SDK1: variants seen among roughly 807,000 people sequenced by gnomAD.
SDK1 encodes the protein protein sidekick-1.
A neutral mutation model predicts 245.5 loss-of-function variants in SDK1; 157 were observed. The ratio of observed to expected loss-of-function variants is 0.64; its 90% CI spans 0.56 to 0.73. The LOEUF (loss-of-function observed/expected upper bound fraction) is 0.73, where lower values mean the gene tolerates loss of function less well. Ranked by LOEUF, SDK1 falls within the 30% of genes least tolerant of loss-of-function variation. The pLI is 0.00. For missense variants in SDK1, 3,583 were observed against 3,002.3 expected (o/e 1.19, Z -4.52); for synonymous variants, 1,647 against 1,278.5 (o/e 1.29, Z -6.15).
At chr7:3,337,621 C>T (rs1042057342) in intron 1 of SDK1, among the ~76,000 whole-genome samples, 1 of 152,174 alleles carries the variant, frequency 6.6e-6, no homozygotes, top group Non-Finnish European at 1.5e-5. Flanking sequence ...AAGGCAGATA[C>T]AGGAAAGCTA....
chr7:3,534,886 G>A (rs1054455771), intron 1 of SDK1, among the ~76,000 whole-genome samples: 6 of 152,136 alleles, frequency 3.9e-5, no homozygotes, highest in South Asian at 2.1e-4. Flanking sequence ...TATCAGCCAC[G>A]TGTACATGTA....
At chr7:3,716,336 A>G (rs996776648) in intron 4 of SDK1, among the ~76,000 whole-genome samples, 5 of 152,316 alleles carry the variant, frequency 3.3e-5, no homozygotes, top group Middle Eastern at 3.4e-3. Flanking sequence ...TAAGAAATCA[A>G]TTTGAAGACA....
rs73298937 is a variant in SDK1 at position 4,014,041 on chromosome 7, C to G, written c.2420+1806C>G. 8.3e-3 allele frequency among the ~76,000 whole-genome samples: 1,262 copies of G among 152,364 alleles called. 18 individuals carry two copies. The highest frequency in any genetic ancestry group is 0.029 in the African/African-American group (1,198 of 41,586). On this transcript the variant is annotated intron_variant, in intron 16 of 44. Transcript: ENST00000404826. Reference sequence around the variant, plus strand: ...CTCTTGCCCCTGCCTTAGCCATTACCTCTCATTCTGCACCCATCCACTAAT... The same window carrying G: ...CTCTTGCCCCTGCCTTAGCCATTACGTCTCATTCTGCACCCATCCACTAAT...
chr7:3,327,620 T>C (rs926074662), intron 1 of SDK1, among the ~76,000 whole-genome samples: 1 of 152,040 alleles, frequency 6.6e-6, no homozygotes, highest in Non-Finnish European at 1.5e-5. Context: ...AGCTGTCCAG[T>C]ATAGGCCCAG....
At chr7:3,667,008 T>TA (rs1395923555) in intron 4 of SDK1, among the ~76,000 whole-genome samples, 1 of 152,156 alleles carries the variant, frequency 6.6e-6, no homozygotes, top group African/African-American at 2.4e-5. Context: ...GGGGTGTTCT[T>TA]ACGGTTTGGG....
At chr7:3,789,392 C>G (rs935757051) in intron 4 of SDK1, among the ~76,000 whole-genome samples, 5 of 152,228 alleles carry the variant, frequency 3.3e-5, no homozygotes, top group African/African-American at 7.2e-5. Flanking sequence ...AGGTGATCCA[C>G]TCGCCTCAGC....
At chr7:3,394,396 A>G (rs868041368) in intron 1 of SDK1, among the ~76,000 whole-genome samples, 12 of 152,262 alleles carry the variant, frequency 7.9e-5, no homozygotes, top group South Asian at 4.1e-4. Flanking sequence ...CCATTGATCA[A>G]TGATTTTTAT....
chr7:3,624,373 A>G (rs367594649), intron 2 of SDK1, among the ~76,000 whole-genome samples: 3 of 151,962 alleles, frequency 2.0e-5, no homozygotes, highest in Non-Finnish European at 4.4e-5. Context: ...TAAGTTTTCT[A>G]TTTTTTGTGC....
chr7:3,895,595 A>G lies in SDK1; in HGVS notation c.848-55328A>G, dbSNP rs180800408. ...CAAGAAGCAACTCACGGAAGGACCC[A>G]TGCCCCCTTTCTCTTTCCACTCCGC... On this transcript the variant is annotated intron_variant, in intron 5 of 44. Coordinates refer to ENST00000404826, the MANE Select transcript of SDK1 (RefSeq NM_152744.4). 1.3e-4 allele frequency among the ~76,000 whole-genome samples: 20 copies of G among 152,322 alleles called. No individual in the cohort carries two copies. In the East Asian group the frequency reaches 3.7e-3, roughly 28 times the overall value.
At chr7:3,691,113 A>G (rs1425142595) in intron 4 of SDK1, among the ~76,000 whole-genome samples, 2 of 152,214 alleles carry the variant, frequency 1.3e-5, no homozygotes, top group Non-Finnish European at 2.9e-5. Flanking sequence ...AAGCTTACCA[A>G]TTTATTGTAG....
chr7:4,203,367 A>G (rs1784002506), intron 35 of SDK1, among the ~76,000 whole-genome samples: 1 of 152,196 alleles, frequency 6.6e-6, no homozygotes, highest in Non-Finnish European at 1.5e-5. Context: ...GACCTGAGTC[A>G]CTCAGCTCTG....
intron 4 of SDK1, among the ~76,000 whole-genome samples, chr7:3,787,150 A>ACACAC (rs1180734686): frequency 1.4e-5 from 2 of 143,222 alleles, no homozygotes; most frequent in Admixed American, 6.9e-5. Context: ...TTGAAATCAC[A>ACACAC]CACACACACA....
At chr7:4,108,180 C>G (rs1254662831) in intron 22 of SDK1, among the ~76,000 whole-genome samples, 1 of 152,164 alleles carries the variant, frequency 6.6e-6, no homozygotes. Flanking sequence ...CTCCTGGGTC[C>G]TTTCCCTCTT....
At chr7:3,596,428 G>T (rs1417408107) in intron 1 of SDK1, among the ~76,000 whole-genome samples, 4 of 152,322 alleles carry the variant, frequency 2.6e-5, no homozygotes, top group Non-Finnish European at 4.4e-5. Context: ...GTAACAATGG[G>T]TAGATGTCTG....
At chr7:4,127,232 A>C in intron 25 of SDK1, 149 bp from the exon 26 acceptor site, 2 of 643,314 alleles carry the variant, frequency 3.1e-6, no homozygotes, top group Non-Finnish European at 2.8e-6. Context: ...CATGTCCGTT[A>C]TACTCCTGTA....
intron 4 of SDK1, among the ~76,000 whole-genome samples, chr7:3,712,520 T>C (rs1486339754): frequency 6.6e-6 from 1 of 152,066 alleles, no homozygotes; most frequent in South Asian, 2.1e-4. Flanking sequence ...TCCAAAACCA[T>C]CCCCCAACCC....
intron 4 of SDK1, among the ~76,000 whole-genome samples, chr7:3,762,869 G>C (rs1217057970): frequency 3.3e-5 from 5 of 152,176 alleles, no homozygotes; most frequent in Non-Finnish European, 7.3e-5. Context: ...TTAAATGATT[G>C]ATTTTTGAGG....
At chr7:3,468,223 C>T (rs1266274043) in intron 1 of SDK1, among the ~76,000 whole-genome samples, 1 of 152,066 alleles carries the variant, frequency 6.6e-6, no homozygotes. Context: ...TCTTTTACTA[C>T]TAATGAAATG....
intron 5 of SDK1, among the ~76,000 whole-genome samples, chr7:3,944,833 T>C (rs1334835377): frequency 6.6e-6 from 1 of 151,860 alleles, no homozygotes; most frequent in East Asian, 1.9e-4. Context: ...AGAAAGCAAA[T>C]CTCAGAGGGA....
Sources: allele counts gnomAD v4.1 joint callset (sites outside exome capture counted in the v4.1 genomes callset), GRCh38; gene constraint gnomAD v4.1.1; transcripts MANE v1.5; gene names NCBI Gene and HGNC (gene_info 2026-07-23, HGNC 2026-07-21).